ARHGAP10: variants seen among roughly 807,000 people sequenced by gnomAD.
The protein encoded by ARHGAP10 is rho GTPase-activating protein 10.
Under a neutral mutation model 108.6 loss-of-function variants are expected in ARHGAP10, and 87 were observed. The observed-to-expected ratio is 0.80, with a 90% CI of 0.67 to 0.96. The LOEUF (loss-of-function observed/expected upper bound fraction) is 0.96, where lower values mean the gene tolerates loss of function less well. Among genes scored for constraint, ARHGAP10 ranks in the 40% least tolerant of loss-of-function variants. ARHGAP10 has a pLI of 0.00. For missense variants in ARHGAP10, 939 were observed against 954.5 expected, an observed-to-expected ratio of 0.98 and a Z score of 0.21; for synonymous variants, 347 against 341.1, an observed-to-expected ratio of 1.02 and a Z score of -0.19.
At chr4:148,047,861 T>C (rs1728956347) in intron 20 of ARHGAP10, among the ~76,000 whole-genome samples, 1 of 152,162 alleles carries the variant, frequency 6.6e-6, no homozygotes, top group Non-Finnish European at 1.5e-5. Context: ...TTGCTTTTGT[T>C]GCCCAGGGTG....
At chr4:147,943,572 A>AGT (rs1738247372) in intron 14 of ARHGAP10, among the ~76,000 whole-genome samples, 2 of 152,328 alleles carry the variant, frequency 1.3e-5, no homozygotes, top group Admixed American at 6.5e-5. Context: ...AAAAATGACC[A>AGT]GTGGTTACGT....
intron 19 of ARHGAP10, among the ~76,000 whole-genome samples, chr4:148,027,236 A>G (rs1411135092): frequency 6.6e-6 from 1 of 152,228 alleles, no homozygotes; most frequent in Non-Finnish European, 1.5e-5. Flanking sequence ...GTAATTAAGT[A>G]TTCTTTGCCT....
chr4:148,069,601 T>C (rs76205193), intron 22 of ARHGAP10, among the ~76,000 whole-genome samples: 4,591 of 152,276 alleles, frequency 0.03, 232 homozygotes, highest in African/African-American at 0.1. Flanking sequence ...GTGGTGTGTA[T>C]AGGGTAGGAG....
At chr4:148,023,158 T>A (rs1741633734) in intron 18 of ARHGAP10, 105 bp from the exon 19 acceptor site, 1 of 1,393,352 alleles carries the variant, frequency 7.2e-7, no homozygotes, top group Non-Finnish European at 9.9e-7. Context: ...CTCTAGCCTG[T>A]CTTGAATGAA....
At chr4:148,064,092 A>T (rs1458281556) in intron 21 of ARHGAP10, among the ~76,000 whole-genome samples, 3 of 152,150 alleles carry the variant, frequency 2.0e-5, no homozygotes, top group Non-Finnish European at 4.4e-5. Flanking sequence ...AAGTGCTTGG[A>T]GATAAACATG....
At chr4:147,766,886 C>T (rs184323718) in intron 1 of ARHGAP10, among the ~76,000 whole-genome samples, 6 of 146,066 alleles carry the variant, frequency 4.1e-5, no homozygotes, top group Non-Finnish European at 8.9e-5. Context: ...GCTCTGTCGC[C>T]CAGGCTGGAG....
At chr4:147,884,829 C>T (rs560031402) in intron 10 of ARHGAP10, among the ~76,000 whole-genome samples, 18 of 152,278 alleles carry the variant, frequency 1.2e-4, no homozygotes, top group East Asian at 3.9e-4. Context: ...GATGGGGCAA[C>T]GGCCTGAACT....
At chr4:147,907,112 G>A (rs910206731) in intron 11 of ARHGAP10, among the ~76,000 whole-genome samples, 7 of 152,150 alleles carry the variant, frequency 4.6e-5, no homozygotes, top group Non-Finnish European at 7.3e-5. Context: ...ATAGGTGACT[G>A]CTGTAATTGT....
At chr4:147,958,885 A>T (rs568429235) in intron 16 of ARHGAP10, among the ~76,000 whole-genome samples, 2 of 152,326 alleles carry the variant, frequency 1.3e-5, no homozygotes, top group South Asian at 2.1e-4. Context: ...GCAGATGGAC[A>T]TTACAGTGTG....
chr4:147,894,374 A>G (rs988784453), intron 10 of ARHGAP10, among the ~76,000 whole-genome samples: 1 of 152,182 alleles, frequency 6.6e-6, no homozygotes, highest in African/African-American at 2.4e-5. Flanking sequence ...TGAAGTGTCT[A>G]TTAAAATCTC....
intron 13 of ARHGAP10, among the ~76,000 whole-genome samples, chr4:147,934,218 G>A (rs976082597): frequency 1.3e-5 from 2 of 152,174 alleles, no homozygotes; most frequent in Non-Finnish European, 2.9e-5. Flanking sequence ...GGCCAAAGAG[G>A]GCTGTAGCTA....
intron 18 of ARHGAP10, among the ~76,000 whole-genome samples, chr4:148,000,802 A>G (rs1415436790): frequency 6.6e-6 from 1 of 151,806 alleles, no homozygotes; most frequent in Non-Finnish European, 1.5e-5. Context: ...AATTTGTTTG[A>G]GTTCTTTGTG....
At chr4:147,767,934 T>C (rs531261090) in intron 1 of ARHGAP10, among the ~76,000 whole-genome samples, 1 of 152,342 alleles carries the variant, frequency 6.6e-6, no homozygotes, top group East Asian at 1.9e-4. Flanking sequence ...GATATGAGAT[T>C]ATCAAATTAT....
intron 18 of ARHGAP10, among the ~76,000 whole-genome samples, chr4:148,005,127 G>A (rs929459063): frequency 2.0e-5 from 3 of 152,160 alleles, no homozygotes; most frequent in Admixed American, 6.5e-5. Context: ...TGGTATTCCT[G>A]GAACATGCTA....
At chr4:147,736,882 G>A (rs1360239739) in intron 1 of ARHGAP10, among the ~76,000 whole-genome samples, 1 of 152,154 alleles carries the variant, frequency 6.6e-6, no homozygotes, top group Non-Finnish European at 1.5e-5. Flanking sequence ...GGTACTGCAG[G>A]GGGAGGCTTC....
At chr4:147,738,117 A>G (rs1033983605) in intron 1 of ARHGAP10, among the ~76,000 whole-genome samples, 1 of 151,596 alleles carries the variant, frequency 6.6e-6, no homozygotes, top group Non-Finnish European at 1.5e-5. Flanking sequence ...AAAATAGCTG[A>G]TGGAATATAA....
chr4:147,924,650 TGA>T (rs1221000649), intron 13 of ARHGAP10, among the ~76,000 whole-genome samples: 1 of 152,222 alleles, frequency 6.6e-6, no homozygotes, highest in East Asian at 1.9e-4. Context: ...ATGAGGTCTG[TGA>T]CATTTTATGG....
At chr4:148,061,605 A>ATCT (rs1054096034) in intron 20 of ARHGAP10, among the ~76,000 whole-genome samples, 1 of 137,578 alleles carries the variant, frequency 7.3e-6, no homozygotes, top group African/African-American at 2.6e-5. Flanking sequence ...AGCTCTTAGA[A>ATCT]GAATAATGTT....
chr4:148,058,936 G>A (rs760776927), intron 20 of ARHGAP10, among the ~76,000 whole-genome samples: 1 of 152,154 alleles, frequency 6.6e-6, no homozygotes, highest in Non-Finnish European at 1.5e-5. Context: ...CCTGCTTACT[G>A]TCTTCCCAGC....
Sources: allele counts gnomAD v4.1 joint callset (sites outside exome capture counted in the v4.1 genomes callset), GRCh38; gene constraint gnomAD v4.1.1; transcripts MANE v1.5; gene names NCBI Gene and HGNC (gene_info 2026-07-23, HGNC 2026-07-21).